Variants in EML6 observed in about 807,000 individuals in gnomAD.
The protein encoded by EML6 is EMAP like 6.
EML6 carries 154 observed loss-of-function variants against 240.1 expected under a neutral mutation model. The ratio of observed to expected loss-of-function variants is 0.64; its 90% CI spans 0.56 to 0.73. The LOEUF is 0.73. Among genes scored for constraint, EML6 ranks in the 30% least tolerant of loss-of-function variants. EML6 has a pLI of 0.00. For synonymous variants in EML6, 1,148 were observed against 899.0 expected, an observed-to-expected ratio of 1.28 and a Z score of -4.95; for missense variants, 2,964 against 2,474.6, an observed-to-expected ratio of 1.20 and a Z score of -4.20.
chr2:54,748,654 G>A (rs1684023412), intron 2 of EML6, among the ~76,000 whole-genome samples: 2 of 152,090 alleles, frequency 1.3e-5, no homozygotes, highest in South Asian at 4.2e-4. Context: ...CAACCTCCTG[G>A]ACTCAAATGA....
intron 41 of EML6, among the ~76,000 whole-genome samples, chr2:54,969,476 T>C (rs574773552): frequency 2.9e-3 from 436 of 152,354 alleles, no homozygotes; most frequent in Non-Finnish European, 4.2e-3. Flanking sequence ...CCTGCTGTGC[T>C]GGCTACTTCT....
At chr2:54,866,384 G>A (rs904522318) in intron 13 of EML6, among the ~76,000 whole-genome samples, 10 of 152,144 alleles carry the variant, frequency 6.6e-5, no homozygotes, top group Non-Finnish European at 1.5e-4. Flanking sequence ...AGGGATTTCA[G>A]GAGAAAATTG....
intron 2 of EML6, among the ~76,000 whole-genome samples, chr2:54,806,686 T>C (rs1401414658): frequency 1.4e-5 from 2 of 146,716 alleles, no homozygotes; most frequent in Non-Finnish European, 3.0e-5. Flanking sequence ...TTCATGTGGG[T>C]CTATCACATG....
At position 54,908,211 on chromosome 2, in the gene EML6, C is replaced by CT. The variant is rs111418579; in HGVS notation, c.3410-2727dup. On this transcript the variant is annotated intron_variant, in intron 24 of 41. Transcript: ENST00000356458. ...AGAAACCCACTCAAACCAGCTTAAA[C>CT]TTTTTTTTTTTTTTTTGAGACAGGG... Among the ~76,000 whole-genome samples, 1,216 of 141,304 alleles carry CT rather than the reference C, an allele frequency of 8.6e-3. 10 individuals are homozygous for CT. The highest frequency in any genetic ancestry group is 0.019 in the Middle Eastern group (5 of 270). The allele number at this position is 141,304 out of a possible 152,430, so 92.7% of individuals were successfully genotyped here.
At chr2:54,919,242 T>TTCC (rs1674092392) in intron 26 of EML6, among the ~76,000 whole-genome samples, 12 of 128,418 alleles carry the variant, frequency 9.3e-5, no homozygotes, top group African/African-American at 3.1e-4. Context: ...CTATTTTGCT[T>TTCC]CCCCCCCCCC....
rs562980893 is a variant in EML6, at chr2:54,937,497, G to A, written c.4004+8746G>A. ...GAGCCTGGGAGGTCAAGGCTGCAGT[G>A]AGCCATGATCATGCCACTGTACTCC... is the stretch of plus-strand genomic sequence containing the variant. On this transcript the variant is annotated intron_variant, in intron 28 of 41. Transcript: ENST00000356458. Among the ~76,000 whole-genome samples the A allele has an allele frequency of 2.0e-4, 28 of 139,128 alleles. No homozygotes were observed. The South Asian group carries it at 6.5e-3, about 32-fold the overall frequency. 91.3% of individuals were successfully genotyped at this position (139,128 alleles called of 152,430 possible). A position where few individuals can be genotyped will look rare whatever the true frequency, so the allele number is the denominator to read the frequency against.
chr2:54,908,737 A>G (rs1036094455), intron 24 of EML6, among the ~76,000 whole-genome samples: 1 of 152,154 alleles, frequency 6.6e-6, no homozygotes, highest in South Asian at 2.1e-4. Context: ...AATGCCACCC[A>G]CAGGCCCAAA....
chr2:54,876,297 C>G (rs1311107951), intron 16 of EML6, among the ~76,000 whole-genome samples: 1 of 152,086 alleles, frequency 6.6e-6, no homozygotes, highest in Non-Finnish European at 1.5e-5. Flanking sequence ...AGTATATACA[C>G]AGAAATAGCC....
chr2:54,839,106 C>G (rs1034649788), intron 7 of EML6, among the ~76,000 whole-genome samples: 1 of 152,282 alleles, frequency 6.6e-6, no homozygotes, highest in Admixed American at 6.5e-5. Flanking sequence ...TTTCTGTTCT[C>G]TGGGTTTGTG....
At chr2:54,859,836 G>A (rs1472390206) in intron 12 of EML6, 135 bp downstream of exon 12, 3 of 694,780 alleles carry the variant, frequency 4.3e-6, no homozygotes, top group Non-Finnish European at 6.6e-6. Flanking sequence ...AAAATTTTAA[G>A]ATAAGAAGAA....
intron 4 of EML6, among the ~76,000 whole-genome samples, chr2:54,817,455 C>A (rs922836279): frequency 6.6e-6 from 1 of 152,080 alleles, no homozygotes; most frequent in Non-Finnish European, 1.5e-5. Flanking sequence ...AATTTGACTC[C>A]TTTATTATCT....
At chr2:54,797,481 G>C (rs1038815922) in intron 2 of EML6, among the ~76,000 whole-genome samples, 1 of 152,170 alleles carries the variant, frequency 6.6e-6, no homozygotes, top group African/African-American at 2.4e-5. Context: ...ATATCGGATG[G>C]AGGGTTTGGT....
intron 31 of EML6, 52 bp downstream of exon 31, chr2:54,952,744 C>T: frequency 1.6e-6 from 2 of 1,237,034 alleles, no homozygotes; most frequent in South Asian, 2.6e-5. Context: ...GGACGCTGAC[C>T]TGTCAGCAAT....
intron 21 of EML6, among the ~76,000 whole-genome samples, chr2:54,895,766 G>A (rs1672729415): frequency 6.6e-6 from 1 of 152,186 alleles, no homozygotes; most frequent in African/African-American, 2.4e-5. Flanking sequence ...GTAAGTGTAG[G>A]ACTAAAGGCT....
intron 14 of EML6, 136 bp downstream of exon 14, chr2:54,867,020 A>G (rs988585855): frequency 1.1e-5 from 6 of 545,080 alleles, no homozygotes; most frequent in African/African-American, 3.8e-5. Context: ...TGCAATGTGC[A>G]CTTGTACCTG....
intron 15 of EML6, 114 bp from the exon 16 acceptor site, chr2:54,871,386 T>C: frequency 5.3e-6 from 4 of 758,024 alleles, no homozygotes; most frequent in Non-Finnish European, 9.0e-6. Context: ...CCTAGGGTCC[T>C]TCTATTCTCC....
intron 2 of EML6, among the ~76,000 whole-genome samples, chr2:54,783,301 G>A (rs1010084149): frequency 6.6e-6 from 1 of 152,060 alleles, no homozygotes; most frequent in African/African-American, 2.4e-5. Flanking sequence ...ACTATGTAAT[G>A]AAACACTCTG....
intron 24 of EML6, among the ~76,000 whole-genome samples, chr2:54,910,360 A>G (rs570206940): frequency 1.3e-5 from 2 of 152,376 alleles, no homozygotes; most frequent in African/African-American, 2.4e-5. Flanking sequence ...ATAATTGTAC[A>G]TCAGACTGAA....
In EML6 at chr2:54,847,466, G is replaced by A. The variant is rs1669826789; in HGVS notation, c.1050-20G>A. 1 of 1,548,212 alleles carries A rather than the reference G, an allele frequency of 6.5e-7. No individual in the cohort carries two copies. Among genetic ancestry groups the A allele is most frequent in the African/African-American group, 1.4e-5 (1 of 73,082 alleles). Reference sequence around the variant, plus strand: ...TGGGAAGTTGGTTTTGTTTTGTTTTGACTTCGTTCTTGTGCCTAGGCTGTG... The same window carrying A: ...TGGGAAGTTGGTTTTGTTTTGTTTTAACTTCGTTCTTGTGCCTAGGCTGTG... On this transcript the variant is annotated intron_variant, in intron 8 of 41. Coordinates refer to ENST00000356458, the MANE Select transcript of EML6 (RefSeq NM_001039753.4).
Sources: allele counts gnomAD v4.1 joint callset (sites outside exome capture counted in the v4.1 genomes callset), GRCh38; gene constraint gnomAD v4.1.1; transcripts MANE v1.5; gene names NCBI Gene and HGNC (gene_info 2026-07-23, HGNC 2026-07-21).